Variants in CDH13 observed in about 807,000 individuals in gnomAD.
The protein encoded by CDH13 is cadherin 13.
A neutral mutation model predicts 63.8 loss-of-function variants in CDH13; 24 were observed. The observed-to-expected ratio is 0.38, with a 90% CI of 0.27 to 0.53. The LOEUF (loss-of-function observed/expected upper bound fraction) is 0.53. Ranked by LOEUF, CDH13 falls within the 20% of genes least tolerant of loss-of-function variation. The pLI is 0.85. For missense variants in CDH13, 1,049 were observed against 903.1 expected, an observed-to-expected ratio of 1.16 and a Z score of -2.07; for synonymous variants, 503 against 355.3, an observed-to-expected ratio of 1.42 and a Z score of -4.67.
At chr16:83,406,583 C>A (rs1254201070) in intron 6 of CDH13, among the ~76,000 whole-genome samples, 1 of 152,160 alleles carries the variant, frequency 6.6e-6, no homozygotes, top group African/African-American at 2.4e-5. Context: ...CCTGCCTTAG[C>A]CTCCCAAGTA....
intron 2 of CDH13, among the ~76,000 whole-genome samples, chr16:83,019,562 C>G (rs990349660): frequency 1.3e-5 from 2 of 148,330 alleles, no homozygotes; most frequent in Non-Finnish European, 3.0e-5. Flanking sequence ...GTGGCCCGAT[C>G]TCAGCTCACT....
At chr16:83,046,484 C>A (rs1013330233) in intron 3 of CDH13, among the ~76,000 whole-genome samples, 1 of 151,994 alleles carries the variant, frequency 6.6e-6, no homozygotes, top group Non-Finnish European at 1.5e-5. Context: ...AAATAATATC[C>A]CATATATGTT....
chr16:82,693,996 G>C (rs1371919927), intron 1 of CDH13, among the ~76,000 whole-genome samples: 1 of 152,206 alleles, frequency 6.6e-6, no homozygotes. Flanking sequence ...TCCTGGGCAA[G>C]TAATTGAAAC....
intron 1 of CDH13, among the ~76,000 whole-genome samples, chr16:82,831,834 C>T (rs949294309): frequency 2.0e-5 from 3 of 152,256 alleles, no homozygotes; most frequent in East Asian, 3.9e-4. Context: ...GCAAAACAGA[C>T]CCAAGACTTT....
chr16:83,574,758 CA>C (rs1418463569), intron 7 of CDH13, among the ~76,000 whole-genome samples: 3 of 152,170 alleles, frequency 2.0e-5, no homozygotes, highest in Non-Finnish European at 4.4e-5. Context: ...CATGTAACAA[CA>C]ACTTTCTATG....
chr16:82,652,619 G>C (rs914045921), intron 1 of CDH13, among the ~76,000 whole-genome samples: 8 of 142,758 alleles, frequency 5.6e-5, no homozygotes, highest in Admixed American at 5.6e-4. Context: ...AATCTAGAAA[G>C]ATATTGGAAG....
At chr16:82,815,495 A>G (rs77903116) in intron 1 of CDH13, among the ~76,000 whole-genome samples, 5 of 152,212 alleles carry the variant, frequency 3.3e-5, no homozygotes, top group African/African-American at 1.2e-4. Flanking sequence ...TGCGTGGAAC[A>G]TGGAAAACAC....
At chr16:83,377,866 T>G (rs1251127814) in intron 6 of CDH13, among the ~76,000 whole-genome samples, 1 of 152,150 alleles carries the variant, frequency 6.6e-6, no homozygotes, top group Admixed American at 6.5e-5. Flanking sequence ...TAAGGTACTT[T>G]GCAAAAATTA....
At chr16:83,590,608 A>T (rs552664334) in intron 7 of CDH13, among the ~76,000 whole-genome samples, 11 of 152,362 alleles carry the variant, frequency 7.2e-5, no homozygotes, top group African/African-American at 2.6e-4. Context: ...GACGTAAAAA[A>T]AAAGAAAGTT....
intron 1 of CDH13, among the ~76,000 whole-genome samples, chr16:82,807,731 A>G (rs551687284): frequency 2.6e-4 from 40 of 152,294 alleles, no homozygotes; most frequent in African/African-American, 9.1e-4. Flanking sequence ...AGAAGCAGTT[A>G]ATTCCCAAAT....
chr16:83,137,827 G>A (rs2036360750), intron 4 of CDH13, among the ~76,000 whole-genome samples: 1 of 152,102 alleles, frequency 6.6e-6, no homozygotes, highest in African/African-American at 2.4e-5. Context: ...AGTAGAACTG[G>A]ATGGAGATGG....
At chr16:83,679,530 A>G (rs1019537914) in intron 10 of CDH13, among the ~76,000 whole-genome samples, 4 of 152,240 alleles carry the variant, frequency 2.6e-5, no homozygotes, top group Admixed American at 2.0e-4. Context: ...AAGTGGATTT[A>G]TTTTTACGGC....
At chr16:83,281,064 T>G (rs1350309440) in intron 5 of CDH13, among the ~76,000 whole-genome samples, 2 of 152,178 alleles carry the variant, frequency 1.3e-5, no homozygotes, top group African/African-American at 4.8e-5. Flanking sequence ...TCTTTGAAGT[T>G]TTGAAGCCAG....
At chr16:82,750,320 T>C (rs2034357743) in intron 1 of CDH13, among the ~76,000 whole-genome samples, 1 of 151,942 alleles carries the variant, frequency 6.6e-6, no homozygotes, top group Admixed American at 6.6e-5. Flanking sequence ...GGATGTCTGG[T>C]CTTTAATCTG....
chr16:83,233,434 C>G (rs1450624851), intron 5 of CDH13, among the ~76,000 whole-genome samples: 1 of 152,192 alleles, frequency 6.6e-6, no homozygotes, highest in African/African-American at 2.4e-5. Flanking sequence ...TCTGCCCAAA[C>G]AAATTACTGC....
chr16:83,785,923 A>G (rs901262012), intron 13 of CDH13, among the ~76,000 whole-genome samples: 8 of 152,102 alleles, frequency 5.3e-5, no homozygotes, highest in African/African-American at 1.9e-4. Flanking sequence ...GTGTCCTCCA[A>G]TCTTGTCCCC....
At chr16:83,556,125 G>T (rs933965207) in intron 7 of CDH13, among the ~76,000 whole-genome samples, 1 of 152,100 alleles carries the variant, frequency 6.6e-6, no homozygotes, top group Admixed American at 6.5e-5. Context: ...AGTCTTTCAT[G>T]TTGTGTCTGC....
chr16:83,418,846 C>A (rs757661315), intron 6 of CDH13, among the ~76,000 whole-genome samples: 1 of 152,112 alleles, frequency 6.6e-6, no homozygotes, highest in Non-Finnish European at 1.5e-5. Context: ...CTTCTTTTCT[C>A]TCTGTGAAGG....
At chr16:83,524,137 C>T in intron 7 of CDH13, among the ~76,000 whole-genome samples, 1 of 152,298 alleles carries the variant, frequency 6.6e-6, no homozygotes, top group South Asian at 2.1e-4. Context: ...TTACCATGCA[C>T]TAGATTTGTT....
Sources: allele counts gnomAD v4.1 joint callset (sites outside exome capture counted in the v4.1 genomes callset), GRCh38; gene constraint gnomAD v4.1.1; transcripts MANE v1.5; gene names NCBI Gene and HGNC (gene_info 2026-07-23, HGNC 2026-07-21).